TCF7L2: variants seen among roughly 807,000 people sequenced by gnomAD.
TCF7L2 encodes transcription factor 7 like 2.
A neutral mutation model predicts 77.9 loss-of-function variants in TCF7L2; 23 were observed. The ratio of observed to expected loss-of-function variants is 0.30; its 90% CI spans 0.21 to 0.42. The LOEUF (loss-of-function observed/expected upper bound fraction) is 0.42, where lower values mean the gene tolerates loss of function less well. Ranked by LOEUF, TCF7L2 falls within the 10% of genes least tolerant of loss-of-function variation. The pLI, the probability that TCF7L2 is intolerant of heterozygous loss-of-function variation, is 1.00. For synonymous variants in TCF7L2, 413 were observed against 340.2 expected, an observed-to-expected ratio of 1.21 and a Z score of -2.36; for missense variants, 654 against 793.1, an observed-to-expected ratio of 0.82 and a Z score of 2.11.
At chr10:113,051,064 A>T (rs1380483842) in intron 5 of TCF7L2, among the ~76,000 whole-genome samples, 2 of 151,576 alleles carry the variant, frequency 1.3e-5, no homozygotes, top group African/African-American at 4.9e-5. Flanking sequence ...GGTGAACTAC[A>T]CTTCCCTTGT....
chr10:113,132,060 A>G (rs1386034600), intron 5 of TCF7L2: 1 of 152,274 alleles, frequency 6.6e-6, no homozygotes, highest in Non-Finnish European at 1.5e-5. Context: ...TTGGGATACT[A>G]ACAAGGCAGG....
chr10:113,154,969 C>T (rs965627830), intron 11 of TCF7L2, among the ~76,000 whole-genome samples: 10 of 141,476 alleles, frequency 7.1e-5, no homozygotes, highest in African/African-American at 2.7e-4. Context: ...AATGTGGTAG[C>T]AACTTAACTA....
intron 5 of TCF7L2, among the ~76,000 whole-genome samples, chr10:113,136,053 G>A (rs1462376954): frequency 6.6e-6 from 1 of 152,058 alleles, no homozygotes; most frequent in Non-Finnish European, 1.5e-5. Context: ...GGTGGAGGCA[G>A]GCAGGTGAGG....
At chr10:113,157,384 C>A (rs2072161710) in intron 11 of TCF7L2, among the ~76,000 whole-genome samples, 1 of 152,222 alleles carries the variant, frequency 6.6e-6, no homozygotes, top group African/African-American at 2.4e-5. Context: ...CCTCAGAGTG[C>A]CAGGATTATA....
chr10:113,037,308 G>C (rs2051478318), intron 4 of TCF7L2, among the ~76,000 whole-genome samples: 2 of 152,164 alleles, frequency 1.3e-5, no homozygotes, highest in South Asian at 4.1e-4. Flanking sequence ...GTGGCATCAA[G>C]TTGCACTGGG....
intron 5 of TCF7L2, among the ~76,000 whole-genome samples, chr10:113,102,130 A>C (rs1332695092): frequency 3.4e-5 from 5 of 148,724 alleles, no homozygotes; most frequent in East Asian, 3.9e-4. Flanking sequence ...AAAAAAAAAA[A>C]AAAAAAAAAA....
intron 4 of TCF7L2, among the ~76,000 whole-genome samples, chr10:112,966,639 G>C (rs2036976759): frequency 6.6e-6 from 1 of 152,174 alleles, no homozygotes; most frequent in African/African-American, 2.4e-5. Flanking sequence ...GGAAAGGCTG[G>C]CTGGGGCCAT....
At chr10:112,993,088 CT>C (rs2042872509) in intron 4 of TCF7L2, among the ~76,000 whole-genome samples, 1 of 152,108 alleles carries the variant, frequency 6.6e-6, no homozygotes. Context: ...TAACGTCCCC[CT>C]GACTTTTCTG....
At chr10:112,985,613 G>A (rs748597991) in intron 4 of TCF7L2, among the ~76,000 whole-genome samples, 43 of 152,108 alleles carry the variant, frequency 2.8e-4, no homozygotes, top group Non-Finnish European at 5.4e-4. Context: ...CCTTATGTTC[G>A]GTAAACAGAG....
intron 4 of TCF7L2, among the ~76,000 whole-genome samples, chr10:113,006,357 TCAGTGTGATGTTCTAGAGC>T (rs777119601): frequency 3.9e-5 from 6 of 152,302 alleles, no homozygotes; most frequent in Non-Finnish European, 5.9e-5. Flanking sequence ...GAGGGCTCAC[TCAGTGTGATGTTCTAGAGC>T]CTGGCTCTGC....
intron 5 of TCF7L2, among the ~76,000 whole-genome samples, chr10:113,089,217 G>C (rs1223810480): frequency 6.6e-6 from 1 of 152,186 alleles, no homozygotes; most frequent in African/African-American, 2.4e-5. Context: ...AAGGGACCCT[G>C]AGCTGGATGG....
At chr10:113,098,843 G>A (rs2061337088) in intron 5 of TCF7L2, among the ~76,000 whole-genome samples, 1 of 152,154 alleles carries the variant, frequency 6.6e-6, no homozygotes, top group Non-Finnish European at 1.5e-5. Context: ...CAGCTCCATC[G>A]CCCTGTACAT....
chr10:113,148,500 A>C (rs1460189940), intron 8 of TCF7L2, among the ~76,000 whole-genome samples: 1 of 152,232 alleles, frequency 6.6e-6, no homozygotes, highest in African/African-American at 2.4e-5. Flanking sequence ...CTGCTTGTGC[A>C]TAAAATCAAG....
intron 4 of TCF7L2, among the ~76,000 whole-genome samples, chr10:112,969,622 G>T (rs924050698): frequency 6.6e-6 from 1 of 152,242 alleles, no homozygotes; most frequent in African/African-American, 2.4e-5. Flanking sequence ...TGTTAGGTAT[G>T]TGAGTGATAC....
At chr10:112,992,991 C>G (rs2042849402) in intron 4 of TCF7L2, among the ~76,000 whole-genome samples, 3 of 151,986 alleles carry the variant, frequency 2.0e-5, no homozygotes, top group Admixed American at 2.0e-4. Context: ...TCTTGAACTC[C>G]TGACCTCATA....
At chr10:113,002,256 C>G (rs1050106343) in intron 4 of TCF7L2, among the ~76,000 whole-genome samples, 7 of 152,260 alleles carry the variant, frequency 4.6e-5, no homozygotes, top group Admixed American at 4.6e-4. Context: ...ATATCCTGAC[C>G]AAAGAAGCTA....
rs2054716451 is a variant in TCF7L2 at position 113,052,937 on chromosome 10, G to C, written c.552+12811G>C. ...TAAACTTTTAATTTGGAAGAAGAGG[G>C]GTTCTTTGTTCTTTTTAAAAAGATA... On this transcript the variant is annotated intron_variant, in intron 5 of 13. Transcript: ENST00000627217. Among the ~76,000 whole-genome samples the C allele has an allele frequency of 2.0e-5, 3 of 152,116 alleles. No individual in the cohort carries two copies. The South Asian group carries it at 6.2e-4, about 32-fold the overall frequency.
At chr10:112,958,442 C>T (rs1389042038) in intron 3 of TCF7L2, among the ~76,000 whole-genome samples, 2 of 151,894 alleles carry the variant, frequency 1.3e-5, no homozygotes, top group Non-Finnish European at 2.9e-5. Flanking sequence ...AAGTGGAGTC[C>T]CTCTCTTGCA....
At chr10:113,150,653 G>C (rs17686448) in intron 8 of TCF7L2, among the ~76,000 whole-genome samples, 3,379 of 152,182 alleles carry the variant, frequency 0.022, 49 homozygotes, top group South Asian at 0.036. Context: ...TGTCTTCTTA[G>C]ATGCCACTAA....
Sources: gnomAD v4.1 joint callset for allele counts (sites outside exome capture counted in the v4.1 genomes callset) on GRCh38, gnomAD v4.1.1 for gene constraint, MANE v1.5 for transcripts, NCBI Gene and HGNC (gene_info 2026-07-23, HGNC 2026-07-21) for gene names.